The following ALDH9A1 variants were observed in gnomAD, a reference collection of about 807,000 sequenced individuals.
The protein encoded by ALDH9A1 is 4-trimethylaminobutyraldehyde dehydrogenase.
ALDH9A1 carries 42 observed loss-of-function variants against 56.6 expected under a neutral mutation model. That is an observed-to-expected ratio of 0.74 (90% CI 0.58 to 0.96). The LOEUF (loss-of-function observed/expected upper bound fraction) is 0.96. ALDH9A1 is among the 40% of genes least tolerant of loss of function. The pLI is 0.00. For missense variants in ALDH9A1, 661 were observed against 651.5 expected (o/e 1.01, Z -0.16); for synonymous variants, 242 against 236.0 (o/e 1.03, Z -0.23).
At chr1:165,692,995 G>C (rs1054374780) in intron 2 of ALDH9A1, among the ~76,000 whole-genome samples, 3 of 151,702 alleles carry the variant, frequency 2.0e-5, no homozygotes, top group Non-Finnish European at 4.4e-5. Context: ...ATGGTGCTGG[G>C]AAAACTGGCT....
chr1:165,698,135 T>C, intron 1 of ALDH9A1: 2 of 1,113,860 alleles, frequency 1.8e-6, no homozygotes, highest in East Asian at 3.4e-5. Context: ...CTGGCCCGGG[T>C]AAAACAACTC....
In ALDH9A1 at chr1:165,679,475, C is replaced by T. The variant is rs1329782879; in HGVS notation, c.897G>A (p.Gly299=). 6.2e-7 allele frequency: 1 copy of T among 1,614,156 alleles called. No individual in the cohort carries two copies. The highest frequency in any genetic ancestry group is 8.5e-7 in the Non-Finnish European group (1 of 1,180,032). Residue 299 remains glycine (G), a synonymous_variant, in exon 6 of 11, where the codon GGG becomes GGA. Coordinates refer to ENST00000354775, the MANE Select transcript of ALDH9A1 (RefSeq NM_000696.4). The stretch of plus-strand genomic sequence containing the variant: ...GTGTGAGGAAGTTGGCCATCAGCGC[C>T]CCCTTTACAGCATTGTTCATATCAC... ...SDCDMNNAVK[G]ALMANFLTQG... is the part of the protein sequence containing the mutation.
intron 6 of ALDH9A1, chr1:165,671,778 C>CAAAA: frequency 8.7e-6 from 2 of 230,060 alleles, no homozygotes; most frequent in East Asian, 1.2e-4. Context: ...AACTAACAAA[C>CAAAA]AAAAAAAAAA....
chr1:165,692,420 A>G (rs1286141203), intron 2 of ALDH9A1, among the ~76,000 whole-genome samples: 1 of 152,226 alleles, frequency 6.6e-6, no homozygotes, highest in Non-Finnish European at 1.5e-5. Context: ...TACACCAATA[A>G]CAGACAAACA....
In ALDH9A1 at chr1:165,662,904, A is replaced by G; in HGVS notation, c.*146T>C. 1 of 660,556 alleles carries G rather than the reference A, an allele frequency of 1.5e-6. No homozygotes were observed. Among genetic ancestry groups the G allele is most frequent in the Non-Finnish European group, 2.7e-6 (1 of 372,482 alleles). The allele number at this position is 660,556 out of a possible 1,614,324, so 40.9% of individuals were successfully genotyped here. ...ATTTTCAGTGAGGAAGCTGATGGAG[A>G]GAGAAAGAGTAACATGAACCATTCT... On this transcript the variant is annotated 3_prime_UTR_variant, in exon 11 of 11. Coordinates refer to ENST00000354775, the MANE Select transcript of ALDH9A1 (RefSeq NM_000696.4).
intron 2 of ALDH9A1, among the ~76,000 whole-genome samples, chr1:165,694,859 G>GGCA (rs1432328810): frequency 6.6e-6 from 1 of 151,874 alleles, no homozygotes; most frequent in African/African-American, 2.4e-5. Flanking sequence ...GGGAAGCTGA[G>GGCA]GCAGGAGAAT....
chr1:165,697,927 G>A lies in ALDH9A1; in HGVS notation c.181+451C>T, dbSNP rs2101762885. Among the ~76,000 whole-genome samples, 2 of 152,288 alleles carry A rather than the reference G, an allele frequency of 1.3e-5. 1 individual carries two copies. The highest frequency in any genetic ancestry group is 3.9e-4 in the East Asian group (2 of 5,184). On this transcript the variant is annotated intron_variant, in intron 1 of 10. Transcript: ENST00000354775. Reference sequence around the variant, plus strand: ...GCCTGTAATCCCAGCTACCAGGGAGGCTGAGGCGGGAGAAGCACTTGAGCC... The same window carrying A: ...GCCTGTAATCCCAGCTACCAGGGAGACTGAGGCGGGAGAAGCACTTGAGCC...
At chr1:165,682,049 G>T (rs775817339) in intron 4 of ALDH9A1, 58 bp downstream of exon 4, 6 of 1,594,172 alleles carry the variant, frequency 3.8e-6, no homozygotes, top group Non-Finnish European at 5.1e-6. Context: ...AGAATGGGGA[G>T]AGAACGAACG....
intron 6 of ALDH9A1, among the ~76,000 whole-genome samples, chr1:165,676,057 G>A (rs1194702786): frequency 6.6e-6 from 1 of 152,142 alleles, no homozygotes; most frequent in African/African-American, 2.4e-5. Flanking sequence ...GAACCCTGTG[G>A]TATTAGACTA....
intron 6 of ALDH9A1, among the ~76,000 whole-genome samples, chr1:165,675,774 GAAGGA>G (rs1259126148): frequency 6.6e-6 from 1 of 152,190 alleles, no homozygotes; most frequent in East Asian, 1.9e-4. Context: ...GAAGGAGGGT[GAAGGA>G]AAGGTAGAAC....
At chr1:165,685,224 A>G (rs1248652237) in intron 2 of ALDH9A1, among the ~76,000 whole-genome samples, 6 of 152,150 alleles carry the variant, frequency 3.9e-5, no homozygotes, top group African/African-American at 1.2e-4. Flanking sequence ...ATATGACTTG[A>G]CCAGGTGTTC....
intron 2 of ALDH9A1, among the ~76,000 whole-genome samples, chr1:165,684,194 G>C (rs571740111): frequency 5.3e-5 from 8 of 152,180 alleles, no homozygotes; most frequent in Non-Finnish European, 8.8e-5. Context: ...GAGGTATAAA[G>C]TGCTTTGACT....
At chr1:165,666,380 T>G (rs974739007) in intron 9 of ALDH9A1, among the ~76,000 whole-genome samples, 1 of 152,176 alleles carries the variant, frequency 6.6e-6, no homozygotes, top group African/African-American at 2.4e-5. Context: ...ATTGTACACT[T>G]TAAGTGGGTG....
chr1:165,672,832 G>A (rs1271255985), intron 6 of ALDH9A1, among the ~76,000 whole-genome samples: 1 of 152,000 alleles, frequency 6.6e-6, no homozygotes, highest in Non-Finnish European at 1.5e-5. Flanking sequence ...AGCTACCCAG[G>A]AGGCTGAAGT....
chr1:165,664,968 C>T (rs1269175786), intron 10 of ALDH9A1, 50 bp downstream of exon 10: 11 of 1,408,968 alleles, frequency 7.8e-6, no homozygotes, highest in Admixed American at 5.0e-5. Flanking sequence ...GTCTGAATTA[C>T]GACCTAGCTC....
In ALDH9A1 at chr1:165,667,306, T is replaced by C. The variant is rs1403744455; in HGVS notation, c.1349+3A>G. 1 of 1,613,906 alleles carries C rather than the reference T, an allele frequency of 6.2e-7. No individual in the cohort carries two copies. Among genetic ancestry groups the C allele is most frequent in the African/African-American group, 1.3e-5 (1 of 74,930 alleles). On this transcript the variant is annotated splice_donor_region_variant and intron_variant, in intron 9 of 10. Transcript: ENST00000354775. ...ACTGCTCTCAGTGTCCCACTCCACA[T>C]ACCTGGTAAAGACGCCAGCTGCTAG... is the stretch of plus-strand genomic sequence containing the variant.
intron 2 of ALDH9A1, among the ~76,000 whole-genome samples, chr1:165,694,684 C>T (rs910126482): frequency 1.5e-4 from 23 of 152,150 alleles, no homozygotes; most frequent in African/African-American, 5.6e-4. Flanking sequence ...AGGCTGGGCA[C>T]AGTGGCTCAC....
chr1:165,682,621 A>G (rs886302198), intron 3 of ALDH9A1, among the ~76,000 whole-genome samples: 3 of 152,170 alleles, frequency 2.0e-5, no homozygotes, highest in African/African-American at 7.2e-5. Context: ...TTCCAATATC[A>G]ATTGTTGAAA....
At chr1:165,672,047 A>G (rs1484174379) in intron 6 of ALDH9A1, among the ~76,000 whole-genome samples, 4 of 152,268 alleles carry the variant, frequency 2.6e-5, no homozygotes, top group African/African-American at 9.6e-5. Flanking sequence ...TGTAGGGCAC[A>G]GTACAGTGGT....
Sources: gnomAD v4.1 joint callset for allele counts (sites outside exome capture counted in the v4.1 genomes callset) on GRCh38, gnomAD v4.1.1 for gene constraint, MANE v1.5 for transcripts, NCBI Gene and HGNC (gene_info 2026-07-23, HGNC 2026-07-21) for gene names.